Variants in POLR3H observed in about 807,000 individuals in gnomAD.
The protein encoded by POLR3H is RNA polymerase III subunit H, also known as DNA-directed RNA polymerase III subunit RPC8.
Under a neutral mutation model 25.5 loss-of-function variants are expected in POLR3H, and 17 were observed. The observed-to-expected ratio is 0.67, with a 90% CI of 0.46 to 1.00. The LOEUF (loss-of-function observed/expected upper bound fraction) is 1.00. Among genes scored for constraint, POLR3H ranks in the 50% least tolerant of loss-of-function variants. POLR3H has a pLI of 0.00. For synonymous variants in POLR3H, 129 were observed against 103.0 expected (o/e 1.25, Z -1.53); for missense variants, 274 against 265.0 (o/e 1.03, Z -0.24).
chr22:41,544,305 C>A lies in POLR3H; in HGVS notation c.-204G>T. ...TGAGGAAACTGAGGCCAGAGGGAGG[C>A]ACTCTCCGTCCACAGCTCCGGGTGC... On this transcript the variant is annotated 5_prime_UTR_variant, in exon 1 of 6. Coordinates refer to ENST00000355209, the MANE Select transcript of POLR3H (RefSeq NM_001018050.4). The A allele has an allele frequency of 2.0e-6, 1 of 510,968 alleles. No individual in the cohort carries two copies. Among genetic ancestry groups the A allele is most frequent in the Non-Finnish European group, 3.5e-6 (1 of 286,712 alleles). 31.7% of individuals were successfully genotyped at this position (510,968 alleles called of 1,614,324 possible).
Position 41,537,814 on chromosome 22 carries a change from C to CT in POLR3H, c.208+2884dup, listed in dbSNP as rs951407984. ...ATTGAATAGACAGAATTTCCTCCAACTTTTTTTTTTTGAGACGGGGTCTCT... is the reference window on the plus strand; with the variant it reads ...ATTGAATAGACAGAATTTCCTCCAACTTTTTTTTTTTTGAGACGGGGTCTCT... On this transcript the variant is annotated intron_variant, in intron 2 of 5. Transcript: ENST00000355209. Among the ~76,000 whole-genome samples, 88 of 148,316 alleles carry CT rather than the reference C, an allele frequency of 5.9e-4. 1 individual carries two copies. Among genetic ancestry groups the CT allele is most frequent in the Middle Eastern group, 3.4e-3 (1 of 292 alleles).
chr22:41,527,454 C>CCCATCCCTAGTGATCA lies in POLR3H; in HGVS notation c.*1813_*1828dup. On this transcript the variant is annotated 3_prime_UTR_variant, in exon 6 of 6. Transcript: ENST00000355209. ...GAGTCTGTACCCAGGCCATCCTCAT[C>CCCATCCCTAGTGATCA]CCATCCCTAGTGATCAAGGTCACTC... 1 of 1,583,244 alleles carries CCCATCCCTAGTGATCA rather than the reference C, an allele frequency of 6.3e-7. No homozygotes were observed.
chr22:41,530,662 C>T, intron 5 of POLR3H, 25 bp downstream of exon 5: 1 of 1,598,084 alleles, frequency 6.3e-7, no homozygotes, highest in Non-Finnish European at 8.5e-7. Context: ...CTCATGGGGG[C>T]TTCAGCACCA....
Position 41,527,177 on chromosome 22 carries a change from G to C in POLR3H, c.*2106C>G. ...AAGGGCCCCTCCAGCCCCTTTACCG[G>C]GAGCCTCAGGATGCCCAGGCGCCAG... is the stretch of plus-strand genomic sequence containing the variant. On this transcript the variant is annotated 3_prime_UTR_variant, in exon 6 of 6. Coordinates refer to ENST00000355209, the MANE Select transcript of POLR3H (RefSeq NM_001018050.4). 3 of 1,531,686 alleles carry C rather than the reference G, an allele frequency of 2.0e-6. 1 individual carries two copies. In the South Asian group the frequency reaches 3.5e-5, roughly 18 times the overall value. The allele number at this position is 1,531,686 out of a possible 1,614,324, so 94.9% of individuals were successfully genotyped here.
At position 41,526,816 on chromosome 22, in the gene POLR3H, G is replaced by A; in HGVS notation, c.*2467C>T. The A allele has an allele frequency of 3.3e-6, 1 of 306,628 alleles. No individual in the cohort carries two copies. The highest frequency in any genetic ancestry group is 6.1e-6 in the Non-Finnish European group (1 of 164,346). The allele number at this position is 306,628 out of a possible 1,614,324, so 19.0% of individuals were successfully genotyped here. A position where few individuals can be genotyped will look rare whatever the true frequency, so the allele number is the denominator to read the frequency against. On this transcript the variant is annotated 3_prime_UTR_variant, in exon 6 of 6. Transcript: ENST00000355209. ...AGGCAGAGAGGGTCTGAGGTGATTG[G>A]ACTTTTTCTGCTTTGAGAAACAAAC... is the stretch of plus-strand genomic sequence containing the variant.
chr22:41,542,906 A>G (rs1053032565), intron 1 of POLR3H, among the ~76,000 whole-genome samples: 1 of 152,056 alleles, frequency 6.6e-6, no homozygotes, highest in African/African-American at 2.4e-5. Context: ...AGGAGGCTGA[A>G]GCAGAAGAAT....
At chr22:41,530,312 T>C (rs1230489099) in intron 5 of POLR3H, among the ~76,000 whole-genome samples, 2 of 151,724 alleles carry the variant, frequency 1.3e-5, no homozygotes, top group African/African-American at 4.8e-5. Context: ...CTCACTTTTT[T>C]AGCCAGGCTG....
intron 1 of POLR3H, 52 bp downstream of exon 1, chr22:41,543,939 C>G (rs371924291): frequency 1.5e-6 from 2 of 1,360,364 alleles, no homozygotes; most frequent in Admixed American, 3.5e-5. Flanking sequence ...GGCCAGTGGG[C>G]GGCGCTCGCT....
intron 1 of POLR3H, among the ~76,000 whole-genome samples, 185 bp from the exon 2 acceptor site, chr22:41,540,980 G>A (rs771326237): frequency 3.9e-5 from 6 of 152,172 alleles, no homozygotes; most frequent in African/African-American, 7.2e-5. Flanking sequence ...AGCTCTGGAA[G>A]GAGCAGGGCC....
rs1198230572 is a variant in POLR3H, at chr22:41,543,008, C to T, written c.111+983G>A. On this transcript the variant is annotated intron_variant, in intron 1 of 5. Coordinates refer to ENST00000355209, the MANE Select transcript of POLR3H (RefSeq NM_001018050.4). Reference sequence around the variant, plus strand: ...ACAAGAGCGGCACTCTTGTCTCACACACACAAACACAAAACAGAAAATTAT... The same window carrying T: ...ACAAGAGCGGCACTCTTGTCTCACATACACAAACACAAAACAGAAAATTAT... Among the ~76,000 whole-genome samples the T allele has an allele frequency of 2.0e-5, 3 of 152,028 alleles. No homozygotes were observed. The East Asian group carries it at 5.8e-4, about 29-fold the overall frequency.
Position 41,527,703 on chromosome 22 carries a change from C to T in POLR3H, c.*1580G>A, listed in dbSNP as rs540728085. On this transcript the variant is annotated 3_prime_UTR_variant, in exon 6 of 6. Transcript: ENST00000355209. ...TCATGAATGTGCAGCAGGAAGGCCT[C>T]GCAGACCTCAGCACCAGCGCACACT... 658 of 885,724 alleles carry T rather than the reference C, an allele frequency of 7.4e-4. 4 individuals carry two copies. Among genetic ancestry groups the T allele is most frequent in the Middle Eastern group, 1.7e-3 (7 of 4,134 alleles). The allele number at this position is 885,724 out of a possible 1,614,324, so 54.9% of individuals were successfully genotyped here.
chr22:41,532,810 C>T, intron 2 of POLR3H, 65 bp from the exon 3 acceptor site: 1 of 1,559,218 alleles, frequency 6.4e-7, no homozygotes, highest in South Asian at 1.2e-5. Context: ...ATGTCACCCT[C>T]AGGTGCCAGC....
intron 5 of POLR3H, 105 bp downstream of exon 5, chr22:41,530,582 C>T (rs940148208): frequency 1.4e-5 from 15 of 1,091,886 alleles, no homozygotes; most frequent in Non-Finnish European, 1.8e-5. Context: ...GGATCCCTGA[C>T]CTGCTGGGGG....
Position 41,525,965 on chromosome 22 carries a change from C to T in POLR3H, c.*3318G>A, listed in dbSNP as rs902173986. The T allele has an allele frequency of 9.3e-6, 3 of 323,282 alleles. No individual in the cohort carries two copies. The highest frequency in any genetic ancestry group is 7.0e-5 in the South Asian group (1 of 14,284). 20.0% of individuals were successfully genotyped at this position (323,282 alleles called of 1,614,324 possible). A position where few individuals can be genotyped will look rare whatever the true frequency, so the allele number is the denominator to read the frequency against. On this transcript the variant is annotated 3_prime_UTR_variant, in exon 6 of 6. Transcript: ENST00000355209. ...AGCATGAGGTCTGTGGCTGATCTTG[C>T]AGCTGAGGCCTGAAGGGTGAGCGAA...
rs749414419 is a variant in POLR3H at position 41,540,793 on chromosome 22, G to A, written c.114C>T (p.Val38=). 1.9e-5 allele frequency: 30 copies of A among 1,612,094 alleles called. No homozygotes were observed. The highest frequency in any genetic ancestry group is 3.3e-5 in the Admixed American group (2 of 60,022). Residue 38 remains valine, a splice_region_variant and synonymous_variant, in exon 2 of 6, where the codon GTC becomes GTT. Coordinates refer to ENST00000355209, the MANE Select transcript of POLR3H (RefSeq NM_001018050.4). ...AAATGCAGAGTCCCACGTTGTACAC[G>A]ACCTGCATGCATACAAACACAGACA... ...EELNKKLANK[V]VYNVGLCICL...
At position 41,528,322 on chromosome 22, in the gene POLR3H, G is replaced by A. The variant is rs1233961410; in HGVS notation, c.*961C>T. ...AGGAATCCCCTGTAGGTGCCACCTG[G>A]GTCTGACCTGGGCCATCAGGCACAG... On this transcript the variant is annotated 3_prime_UTR_variant, in exon 6 of 6. Transcript: ENST00000355209. The A allele has an allele frequency of 3.6e-6, 4 of 1,108,102 alleles. No homozygotes were observed. Among genetic ancestry groups the A allele is most frequent in the Non-Finnish European group, 5.0e-6 (4 of 795,136 alleles). 68.6% of individuals were successfully genotyped at this position (1,108,102 alleles called of 1,614,324 possible). A position where few individuals can be genotyped will look rare whatever the true frequency, so the allele number is the denominator to read the frequency against.
Position 41,528,767 on chromosome 22 carries a change from G to A in POLR3H, c.*516C>T, listed in dbSNP as rs567426235. 37 of 1,121,914 alleles carry A rather than the reference G, an allele frequency of 3.3e-5. No homozygotes were observed. In the African/African-American group the frequency reaches 4.0e-4, roughly 12 times the overall value. The allele number at this position is 1,121,914 out of a possible 1,614,324, so 69.5% of individuals were successfully genotyped here. A position where few individuals can be genotyped will look rare whatever the true frequency, so the allele number is the denominator to read the frequency against. On this transcript the variant is annotated 3_prime_UTR_variant, in exon 6 of 6. Coordinates refer to ENST00000355209, the MANE Select transcript of POLR3H (RefSeq NM_001018050.4). Reference sequence around the variant, plus strand: ...CTTAGCCCACGGAGTGACTGTGGTTGTGGTGGGGGGGTTCTTAAAATAACT... The same window carrying A: ...CTTAGCCCACGGAGTGACTGTGGTTATGGTGGGGGGGTTCTTAAAATAACT...
In POLR3H at chr22:41,528,463, C is replaced by T; in HGVS notation, c.*820G>A. The stretch of plus-strand genomic sequence containing the variant: ...AGTACCCACCACTTCCACCCACACC[C>T]ACCTTCTCCTTGCAGCCCCTGAAGT... On this transcript the variant is annotated 3_prime_UTR_variant, in exon 6 of 6. Coordinates refer to ENST00000355209, the MANE Select transcript of POLR3H (RefSeq NM_001018050.4). 3 of 1,611,286 alleles carry T rather than the reference C, an allele frequency of 1.9e-6. No individual in the cohort carries two copies. The highest frequency in any genetic ancestry group is 1.1e-5 in the South Asian group (1 of 90,898).
intron 2 of POLR3H, among the ~76,000 whole-genome samples, chr22:41,537,865 G>A (rs919185915): frequency 1.3e-5 from 2 of 151,956 alleles, no homozygotes; most frequent in Non-Finnish European, 2.9e-5. Context: ...GGAGTGCAGC[G>A]GCGTGTTCTT....
Sources: gnomAD v4.1 joint callset for allele counts (sites outside exome capture counted in the v4.1 genomes callset) on GRCh38, gnomAD v4.1.1 for gene constraint, MANE v1.5 for transcripts, NCBI Gene and HGNC (gene_info 2026-07-23, HGNC 2026-07-21) for gene names.